The following SPAG9 variants were observed in gnomAD, a reference collection of about 807,000 sequenced individuals.
SPAG9 encodes C-Jun-amino-terminal kinase-interacting protein 4.
Under a neutral mutation model 166.5 loss-of-function variants are expected in SPAG9, and 35 were observed. The ratio of observed to expected loss-of-function variants is 0.21; its 90% CI spans 0.16 to 0.28. SPAG9 has a LOEUF of 0.28. Among genes scored for constraint, SPAG9 ranks in the 10% least tolerant of loss-of-function variants. The pLI is 1.00. For missense variants in SPAG9, 1,235 were observed against 1,603.3 expected (o/e 0.77, Z 3.92); for synonymous variants, 534 against 565.5 (o/e 0.94, Z 0.79).
At position 50,975,769 on chromosome 17, in the gene SPAG9, G is replaced by A. The variant is rs533431369; in HGVS notation, c.3524-822C>T. The A allele has an allele frequency of 4.2e-5, 39 of 939,002 alleles. No individual in the cohort carries two copies. The Admixed American group carries it at 7.4e-4, about 18-fold the overall frequency. 58.2% of individuals were successfully genotyped at this position (939,002 alleles called of 1,614,324 possible). A position where few individuals can be genotyped will look rare whatever the true frequency, so the allele number is the denominator to read the frequency against. On this transcript the variant is annotated intron_variant, in intron 27 of 29. Transcript: ENST00000262013. ...GTGACTGCAAGTGGATAACATTTAGGAACATTCAAGAGGGTATTCTAGAGG... is the reference window on the plus strand; with the variant it reads ...GTGACTGCAAGTGGATAACATTTAGAAACATTCAAGAGGGTATTCTAGAGG...
rs1347817626 is a variant in SPAG9, at chr17:50,964,959, C to T, written c.*1313G>A. 6 of 183,230 alleles carry T rather than the reference C, an allele frequency of 3.3e-5. No homozygotes were observed. Among genetic ancestry groups the T allele is most frequent in the African/African-American group, 1.2e-4 (5 of 41,632 alleles). 11.4% of individuals were successfully genotyped at this position (183,230 alleles called of 1,614,324 possible). On this transcript the variant is annotated 3_prime_UTR_variant, in exon 30 of 30. Transcript: ENST00000262013. ...TTTTTTTGGTAGAGACAGGGTTTCG[C>T]CATGTTGCCCAGGCTGGTCTTGAAC...
At chr17:51,095,844 T>C (rs1263513832) in intron 1 of SPAG9, among the ~76,000 whole-genome samples, 1 of 144,428 alleles carries the variant, frequency 6.9e-6, no homozygotes, top group Non-Finnish European at 1.5e-5. Context: ...AGATATATAG[T>C]GATATATATA....
chr17:50,995,751 T>G lies in SPAG9; in HGVS notation c.1969-218A>C, dbSNP rs569801597. The G allele has an allele frequency of 5.8e-4, 289 of 498,118 alleles. 1 individual carries two copies. Among genetic ancestry groups the G allele is most frequent in the African/African-American group, 5.2e-3 (263 of 50,708 alleles). 30.9% of individuals were successfully genotyped at this position (498,118 alleles called of 1,614,324 possible). The stretch of plus-strand genomic sequence containing the variant: ...ATCATGGCTCACTGCAGCCTCAATC[T>G]GTCAGGCTTAAGCGGTCCCCTCCCA... On this transcript the variant is annotated intron_variant, in intron 16 of 29. Coordinates refer to ENST00000262013, the MANE Select transcript of SPAG9 (RefSeq NM_001130528.3).
At chr17:50,970,928 G>C in intron 28 of SPAG9, 72 bp from the exon 29 acceptor site, 1 of 1,252,140 alleles carries the variant, frequency 8.0e-7, no homozygotes. Context: ...TTTTTTTTAA[G>C]TATTTTTAGA....
chr17:51,078,038 TC>T (rs933008234), intron 2 of SPAG9, among the ~76,000 whole-genome samples: 73 of 152,068 alleles, frequency 4.8e-4, no homozygotes, highest in African/African-American at 1.6e-3. Context: ...CAAGCAATCC[TC>T]CCACCTTCAC....
In SPAG9 at chr17:50,997,139, AAAAC is replaced by A. The variant is rs71149334; in HGVS notation, c.1839-449_1839-446del. Among the ~76,000 whole-genome samples the A allele has an allele frequency of 7.8e-3, 1,186 of 151,928 alleles. 23 individuals are homozygous for A. The highest frequency in any genetic ancestry group is 0.026 in the African/African-American group (1,098 of 41,532). On this transcript the variant is annotated intron_variant, in intron 15 of 29. Coordinates refer to ENST00000262013, the MANE Select transcript of SPAG9 (RefSeq NM_001130528.3). ...GGACAAGAGCAAAACTCCATCTCAAAAAACAAACAAACAAACAAACAAAGTGTTA... is the reference window on the plus strand; with the variant it reads ...GGACAAGAGCAAAACTCCATCTCAAAAAACAAACAAACAAACAAAGTGTTA...
At chr17:51,004,436 T>C (rs2045106466) in intron 12 of SPAG9, among the ~76,000 whole-genome samples, 1 of 152,154 alleles carries the variant, frequency 6.6e-6, no homozygotes, top group Non-Finnish European at 1.5e-5. Context: ...TGCAAACATT[T>C]GTTATAAGAA....
In SPAG9 at chr17:51,053,415, G is replaced by A. The variant is rs533422749; in HGVS notation, c.495+2997C>T. On this transcript the variant is annotated intron_variant, in intron 3 of 29. Coordinates refer to ENST00000262013, the MANE Select transcript of SPAG9 (RefSeq NM_001130528.3). ...AAATTGGCGTGCACTGGCCAGGAGCGGTGGCTCACGCCTGTAATCCCAGCA... is the reference window on the plus strand; with the variant it reads ...AAATTGGCGTGCACTGGCCAGGAGCAGTGGCTCACGCCTGTAATCCCAGCA... Among the ~76,000 whole-genome samples the A allele has an allele frequency of 2.8e-4, 42 of 151,666 alleles. No homozygotes were observed. In the East Asian group the frequency reaches 6.8e-3, roughly 25 times the overall value.
At chr17:51,102,912 T>C (rs1050735718) in intron 1 of SPAG9, among the ~76,000 whole-genome samples, 1 of 152,144 alleles carries the variant, frequency 6.6e-6, no homozygotes, top group African/African-American at 2.4e-5. Flanking sequence ...CAGGCGTGTG[T>C]TGCTATACCC....
chr17:51,090,627 A>G (rs2144686607), intron 1 of SPAG9, among the ~76,000 whole-genome samples: 1 of 152,344 alleles, frequency 6.6e-6, no homozygotes, highest in Non-Finnish European at 1.5e-5. Flanking sequence ...CTATTGATTG[A>G]AATTTAACAG....
chr17:51,116,602 GT>G (rs1454918455), intron 1 of SPAG9, among the ~76,000 whole-genome samples: 1 of 151,986 alleles, frequency 6.6e-6, no homozygotes, highest in Non-Finnish European at 1.5e-5. Context: ...CCTTGTCTCT[GT>G]AAAAAATTTA....
chr17:50,978,662 T>C (rs115262624), intron 26 of SPAG9, among the ~76,000 whole-genome samples: 43 of 152,284 alleles, frequency 2.8e-4, no homozygotes, highest in African/African-American at 1.0e-3. Context: ...TTATGACAGT[T>C]AGGCTATGAC....
At chr17:51,102,504 GA>G (rs2048835599) in intron 1 of SPAG9, among the ~76,000 whole-genome samples, 1 of 151,776 alleles carries the variant, frequency 6.6e-6, no homozygotes, top group Non-Finnish European at 1.5e-5. Flanking sequence ...CATTTGTATG[GA>G]AATTTTTTTT....
In SPAG9 at chr17:51,056,037, C is replaced by G. The variant is rs749728194; in HGVS notation, c.495+375G>C. ...GATAATAGATGTAGAGACCCTTTAC[C>G]AATAACTTACCAATCCATAATTTCC... On this transcript the variant is annotated intron_variant, in intron 3 of 29. Coordinates refer to ENST00000262013, the MANE Select transcript of SPAG9 (RefSeq NM_001130528.3). Among the ~76,000 whole-genome samples the G allele has an allele frequency of 5.2e-4, 79 of 152,150 alleles. 2 individuals are homozygous for G. Among genetic ancestry groups the G allele is most frequent in the Admixed American group, 9.8e-4 (15 of 15,280 alleles).
chr17:51,074,176 C>T (rs550538264), intron 2 of SPAG9, among the ~76,000 whole-genome samples: 1 of 152,138 alleles, frequency 6.6e-6, no homozygotes, highest in East Asian at 1.9e-4. Flanking sequence ...GCAGAGCTTG[C>T]AGTGAGCCGA....
chr17:51,004,363 G>A (rs2045102618), intron 12 of SPAG9, among the ~76,000 whole-genome samples: 1 of 152,190 alleles, frequency 6.6e-6, no homozygotes, highest in Non-Finnish European at 1.5e-5. Flanking sequence ...AACAGAGACT[G>A]AAGGGGCACC....
chr17:50,996,862 G>A (rs886991690), intron 15 of SPAG9, among the ~76,000 whole-genome samples, 168 bp from the exon 16 acceptor site: 2 of 152,092 alleles, frequency 1.3e-5, no homozygotes, highest in Admixed American at 6.5e-5. Flanking sequence ...ATAATAGGCC[G>A]GGCACGGTGG....
At position 50,985,782 on chromosome 17, in the gene SPAG9, T is replaced by A; in HGVS notation, c.2940-4A>T. ...TACAGATGAATGGACATACAAACTG[T>A]AAGAACAAAGTCAACACTGGTAAGG... is the stretch of plus-strand genomic sequence containing the variant. On this transcript the variant is annotated splice_polypyrimidine_tract_variant and splice_region_variant and intron_variant, in intron 22 of 29. Transcript: ENST00000262013. The A allele has an allele frequency of 6.3e-7, 1 of 1,584,560 alleles. No individual in the cohort carries two copies. Among genetic ancestry groups the A allele is most frequent in the South Asian group, 1.1e-5 (1 of 89,704 alleles).
In SPAG9 at chr17:51,034,011, ACAT is replaced by A. The variant is rs536487691; in HGVS notation, c.742-2292_742-2290del. 3.3e-3 allele frequency among the ~76,000 whole-genome samples: 502 copies of A among 152,366 alleles called. 3 individuals carry two copies. Among genetic ancestry groups the A allele is most frequent in the African/African-American group, 0.012 (482 of 41,592 alleles). On this transcript the variant is annotated intron_variant, in intron 5 of 29. Coordinates refer to ENST00000262013, the MANE Select transcript of SPAG9 (RefSeq NM_001130528.3). Reference sequence around the variant, plus strand: ...ACATACATAATAGGCATCTTGGTCAACATACAACACAATAGAATCTTTACCCTT... The same window carrying A: ...ACATACATAATAGGCATCTTGGTCAAACAACACAATAGAATCTTTACCCTT...
Sources: allele counts gnomAD v4.1 joint callset (sites outside exome capture counted in the v4.1 genomes callset), GRCh38; gene constraint gnomAD v4.1.1; transcripts MANE v1.5; gene names NCBI Gene and HGNC (gene_info 2026-07-23, HGNC 2026-07-21).